The following RASSF6 variants were observed in gnomAD, a reference collection of about 807,000 sequenced individuals.
The protein encoded by RASSF6 is Ras association domain family member 6.
A neutral mutation model predicts 44.0 loss-of-function variants in RASSF6; 52 were observed. The ratio of observed to expected loss-of-function variants is 1.18; its 90% CI spans 0.95 to 1.49. The LOEUF (loss-of-function observed/expected upper bound fraction) is 1.49, where lower values mean the gene tolerates loss of function less well. RASSF6 is among the 40% of genes most tolerant of loss of function. RASSF6 has a pLI of 0.00. For missense variants in RASSF6, 464 were observed against 393.3 expected (o/e 1.18, Z -1.52); for synonymous variants, 162 against 124.6 (o/e 1.30, Z -2.00).
chr4:73,618,611 T>C (rs1207384511), intron 1 of RASSF6, among the ~76,000 whole-genome samples: 1 of 152,162 alleles, frequency 6.6e-6, no homozygotes, highest in East Asian at 1.9e-4. Flanking sequence ...AGCTAAACTG[T>C]ACTAAACACA....
At chr4:73,600,116 C>A (rs1357958284) in intron 2 of RASSF6, among the ~76,000 whole-genome samples, 4 of 152,204 alleles carry the variant, frequency 2.6e-5, no homozygotes, top group African/African-American at 9.6e-5. Flanking sequence ...CTTCTCCCAG[C>A]ATTTCATATC....
upstream of RASSF6, chr4:73,620,608 C>A: frequency 1.3e-6 from 1 of 761,350 alleles, no homozygotes; most frequent in Non-Finnish European, 2.0e-6. Context: ...GTCAAGAAAC[C>A]TGAGCCACTC....
At chr4:73,587,984 C>T in intron 4 of RASSF6, 50 bp from the exon 5 acceptor site, 1 of 1,203,442 alleles carries the variant, frequency 8.3e-7, no homozygotes, top group Non-Finnish European at 1.2e-6. Flanking sequence ...TATATTGAAG[C>T]CTATGATGGT....
At chr4:73,585,157 T>A (rs1278309984) in intron 6 of RASSF6, 23 bp downstream of exon 6, 1 of 1,526,234 alleles carries the variant, frequency 6.6e-7, no homozygotes, top group Non-Finnish European at 8.9e-7. Context: ...TATATTACAT[T>A]AATGGAATTG....
Position 73,574,959 on chromosome 4 carries a change from G to A in RASSF6, c.*1276C>T, listed in dbSNP as rs975769404. On this transcript the variant is annotated 3_prime_UTR_variant, in exon 11 of 11. Coordinates refer to ENST00000307439, the MANE Select transcript of RASSF6 (RefSeq NM_177532.5). ...ATTAATATTGACAGGTGAAAGAATA[G>A]CGATGCAAGCCTCTGGTTTACTCAG... The A allele has an allele frequency of 2.6e-5, 4 of 152,226 alleles. No individual in the cohort carries two copies. The South Asian group carries it at 6.2e-4, about 24-fold the overall frequency. 9.4% of individuals were successfully genotyped at this position (152,226 alleles called of 1,614,324 possible).
chr4:73,590,504 G>A (rs1724461072), intron 4 of RASSF6, among the ~76,000 whole-genome samples: 1 of 152,188 alleles, frequency 6.6e-6, no homozygotes, highest in Admixed American at 6.5e-5. Flanking sequence ...ATTAAAGGCT[G>A]AGAATTAAAA....
chr4:73,581,844 C>G lies in RASSF6; in HGVS notation c.694G>C (p.Ala232Pro). ...CCTGTTGCAAAAATAATGTGAAGAG[C>G]AAAATCCTGGGGACTATTTTCAATC... ...FKIENSPQDF[A>P]LHIIFATGEQ... Residue 232 changes from alanine (A) to proline (P), a missense_variant, in exon 8 of 11, where the codon GCT becomes CCT. By Grantham distance (27) the Ala-to-Pro change is conservative. Coordinates refer to ENST00000307439, the MANE Select transcript of RASSF6 (RefSeq NM_177532.5). 6.2e-7 allele frequency: 1 copy of G among 1,609,770 alleles called. No homozygotes were observed. The highest frequency in any genetic ancestry group is 8.5e-7 in the Non-Finnish European group (1 of 1,176,792).
intron 1 of RASSF6, chr4:73,615,875 G>C: frequency 1.9e-6 from 3 of 1,549,016 alleles, no homozygotes; most frequent in Non-Finnish European, 2.6e-6. Context: ...CTAGAGGTGG[G>C]CTTGCCTGGA....
In RASSF6 at chr4:73,607,904, T is replaced by C. The variant is rs200381378; in HGVS notation, c.65+3827A>G. ...CTCTCCTCCAACCCCTCCCCTCCCC[T>C]CCTCTCTACTCTTCTTCCTCTCCCC... is the stretch of plus-strand genomic sequence containing the variant. On this transcript the variant is annotated intron_variant, in intron 2 of 10. Transcript: ENST00000307439. Among the ~76,000 whole-genome samples, 9 of 58,156 alleles carry C rather than the reference T, an allele frequency of 1.5e-4. No homozygotes were observed. The East Asian group carries it at 5.7e-3, about 37-fold the overall frequency. 38.2% of individuals were successfully genotyped at this position (58,156 alleles called of 152,430 possible).
chr4:73,589,074 T>C (rs1724326919), intron 4 of RASSF6, among the ~76,000 whole-genome samples: 1 of 152,164 alleles, frequency 6.6e-6, no homozygotes. Context: ...CTTATCCTCT[T>C]TACTTTTGAA....
intron 2 of RASSF6, among the ~76,000 whole-genome samples, chr4:73,599,222 T>C (rs985982991): frequency 6.6e-6 from 1 of 152,206 alleles, no homozygotes; most frequent in African/African-American, 2.4e-5. Context: ...TGATCTGTCC[T>C]ACTTGCCGGG....
intron 8 of RASSF6, among the ~76,000 whole-genome samples, chr4:73,580,016 T>TC (rs1181177123): frequency 9.6e-6 from 1 of 103,938 alleles, no homozygotes; most frequent in East Asian, 3.4e-4. Context: ...ATGCTATCCC[T>TC]CCCCCCTCCC....
chr4:73,586,328 G>C (rs900445559), intron 5 of RASSF6, among the ~76,000 whole-genome samples: 1 of 151,726 alleles, frequency 6.6e-6, no homozygotes, highest in Middle Eastern at 3.4e-3. Flanking sequence ...GTCAAAATTT[G>C]GTTACTGAAT....
intron 2 of RASSF6, among the ~76,000 whole-genome samples, chr4:73,606,546 A>G (rs1325243201): frequency 1.3e-5 from 2 of 152,192 alleles, no homozygotes; most frequent in Non-Finnish European, 1.5e-5. Context: ...GAATGGAGCA[A>G]TTAGGCTGGT....
In RASSF6 at chr4:73,585,277, G is replaced by C. The variant is rs747097538; in HGVS notation, c.470C>G (p.Ala157Gly). The change falls in exon 6 of 11, where the codon GCA (alanine) becomes GGA (glycine). Residue 157 changes from alanine (A) to glycine (G), a missense_variant. Transcript: ENST00000307439. ...SPVLYRTMSE[A>G]ALVRKRMKPL... is the part of the protein sequence containing the mutation. ...CTTCATCCTTTTTCTCACCAGAGCT[G>C]CTTCACTCATGGTTCTATAGAGCAC... The C allele has an allele frequency of 6.2e-7, 1 of 1,612,592 alleles. No individual in the cohort carries two copies. The highest frequency in any genetic ancestry group is 1.1e-5 in the South Asian group (1 of 90,954).
At chr4:73,585,821 T>C (rs1724044519) in intron 5 of RASSF6, among the ~76,000 whole-genome samples, 1 of 151,602 alleles carries the variant, frequency 6.6e-6, no homozygotes, top group Admixed American at 6.6e-5. Flanking sequence ...TCCTTATTTT[T>C]TTATTTTTAT....
At chr4:73,577,269 A>G (rs1349461683) in intron 8 of RASSF6, among the ~76,000 whole-genome samples, 16 of 152,216 alleles carry the variant, frequency 1.1e-4, no homozygotes. Flanking sequence ...CCATTCAGCC[A>G]TGAAAATGAG....
At chr4:73,600,918 G>A (rs190849077) in intron 2 of RASSF6, among the ~76,000 whole-genome samples, 207 of 152,234 alleles carry the variant, frequency 1.4e-3, no homozygotes, top group Non-Finnish European at 2.1e-3. Flanking sequence ...ATGATTTATA[G>A]CACTCATTGT....
intron 2 of RASSF6, among the ~76,000 whole-genome samples, chr4:73,599,632 T>C (rs1560454102): frequency 1.3e-5 from 2 of 152,150 alleles, no homozygotes; most frequent in Non-Finnish European, 2.9e-5. Flanking sequence ...AGTGTCTCTA[T>C]GTCTTGAGAT....
Sources: gnomAD v4.1 joint callset for allele counts (sites outside exome capture counted in the v4.1 genomes callset) on GRCh38, gnomAD v4.1.1 for gene constraint, MANE v1.5 for transcripts, NCBI Gene and HGNC (gene_info 2026-07-23, HGNC 2026-07-21) for gene names.